The following ADGRB3 variants were observed in gnomAD, a reference collection of about 807,000 sequenced individuals.
ADGRB3 encodes adhesion G protein-coupled receptor B3.
Under a neutral mutation model 193.4 loss-of-function variants are expected in ADGRB3, and 37 were observed. That is an observed-to-expected ratio of 0.19 (90% confidence interval 0.15 to 0.25). The LOEUF (loss-of-function observed/expected upper bound fraction) is 0.25. ADGRB3 is among the 10% of genes least tolerant of loss of function. ADGRB3 has a pLI of 1.00. For missense variants in ADGRB3, 1,637 were observed against 1,852.9 expected, an observed-to-expected ratio of 0.88 and a Z score of 2.14; for synonymous variants, 690 against 644.2, an observed-to-expected ratio of 1.07 and a Z score of -1.08.
chr6:68,683,991 G>T (rs985783197), intron 3 of ADGRB3, among the ~76,000 whole-genome samples: 4 of 151,952 alleles, frequency 2.6e-5, no homozygotes, highest in Non-Finnish European at 5.9e-5. Flanking sequence ...CATGACTTCT[G>T]TCATTTAGAA....
intron 20 of ADGRB3, among the ~76,000 whole-genome samples, chr6:69,324,629 G>C (rs371376581): frequency 6.6e-6 from 1 of 151,738 alleles, no homozygotes; most frequent in East Asian, 1.9e-4. Flanking sequence ...TTACATTCAG[G>C]GTTCTTCTCA....
intron 29 of ADGRB3, among the ~76,000 whole-genome samples, chr6:69,365,844 G>T (rs1769556666): frequency 6.6e-6 from 1 of 152,136 alleles, no homozygotes; most frequent in South Asian, 2.1e-4. Context: ...TCACATTACA[G>T]GTGCCTCCCT....
At chr6:68,839,914 T>A (rs934363408) in intron 3 of ADGRB3, among the ~76,000 whole-genome samples, 2 of 151,910 alleles carry the variant, frequency 1.3e-5, no homozygotes, top group African/African-American at 4.8e-5. Flanking sequence ...GAGAGCACAG[T>A]GATTGTGGGA....
chr6:68,661,685 C>T (rs954506525), intron 3 of ADGRB3, among the ~76,000 whole-genome samples: 2 of 149,816 alleles, frequency 1.3e-5, no homozygotes, highest in East Asian at 2.0e-4. Context: ...ACAGGCTAGG[C>T]GCTTTTGATT....
At chr6:68,815,638 T>TGTGTGTGGGTGG (rs146536913) in intron 3 of ADGRB3, among the ~76,000 whole-genome samples, 11,453 of 149,432 alleles carry the variant, frequency 0.077, 1,244 homozygotes, top group East Asian at 0.53. Flanking sequence ...TGTGTGTGTG[T>TGTGTGTGGGTGG]GTGCATGTAG....
chr6:68,914,304 T>A (rs1203104127), intron 3 of ADGRB3, among the ~76,000 whole-genome samples: 3 of 152,000 alleles, frequency 2.0e-5, no homozygotes, highest in African/African-American at 7.3e-5. Flanking sequence ...AAAGGTCGGG[T>A]TACCCACAAA....
intron 19 of ADGRB3, among the ~76,000 whole-genome samples, chr6:69,237,074 G>A (rs1350927525): frequency 6.6e-6 from 1 of 151,930 alleles, no homozygotes; most frequent in Non-Finnish European, 1.5e-5. Flanking sequence ...CAGTTTATAA[G>A]CGCCTACAGA....
chr6:69,037,262 T>C (rs1328548676), intron 13 of ADGRB3, among the ~76,000 whole-genome samples: 1 of 152,170 alleles, frequency 6.6e-6, no homozygotes, highest in Non-Finnish European at 1.5e-5. Flanking sequence ...GGATTCTAAT[T>C]AGTAAACGTT....
chr6:68,794,015 G>A (rs762144659), intron 3 of ADGRB3, among the ~76,000 whole-genome samples: 4 of 152,132 alleles, frequency 2.6e-5, no homozygotes, highest in Non-Finnish European at 5.9e-5. Context: ...CAAGATGCAT[G>A]TAAAGCTGTC....
intron 3 of ADGRB3, among the ~76,000 whole-genome samples, chr6:68,710,333 C>T (rs1765389159): frequency 2.0e-5 from 3 of 152,098 alleles, no homozygotes; most frequent in Admixed American, 2.0e-4. Flanking sequence ...CCCTCCGGCT[C>T]ACCAGGCTCC....
chr6:69,108,689 T>C (rs181231142), intron 17 of ADGRB3, among the ~76,000 whole-genome samples: 45 of 152,158 alleles, frequency 3.0e-4, no homozygotes, highest in Non-Finnish European at 5.9e-5. Flanking sequence ...TTTTAGTAAG[T>C]AAAATCAGGT....
At chr6:69,342,384 AT>A (rs975074759) in intron 26 of ADGRB3, among the ~76,000 whole-genome samples, 4 of 152,060 alleles carry the variant, frequency 2.6e-5, no homozygotes, top group Admixed American at 6.6e-5. Context: ...ACCCTATAAC[AT>A]TACTGTAAAT....
At chr6:69,054,212 ACAAATTT>A (rs1771480900) in intron 15 of ADGRB3, among the ~76,000 whole-genome samples, 1 of 152,182 alleles carries the variant, frequency 6.6e-6, no homozygotes, top group South Asian at 2.1e-4. Context: ...AAAGAAAGGA[ACAAATTT>A]CAATAATGCA....
intron 15 of ADGRB3, among the ~76,000 whole-genome samples, chr6:69,061,219 A>G (rs1262794565): frequency 2.0e-5 from 3 of 152,096 alleles, no homozygotes; most frequent in African/African-American, 7.2e-5. Context: ...GTCATTTGAC[A>G]TTACTGCATA....
At chr6:68,831,259 CACTT>C (rs1767946283) in intron 3 of ADGRB3, among the ~76,000 whole-genome samples, 1 of 145,468 alleles carries the variant, frequency 6.9e-6, no homozygotes, top group Non-Finnish European at 1.5e-5. Flanking sequence ...CAAGGCTACT[CACTT>C]AGGCGGCGGG....
At chr6:69,102,244 T>C (rs550226218) in intron 17 of ADGRB3, among the ~76,000 whole-genome samples, 8 of 152,196 alleles carry the variant, frequency 5.3e-5, no homozygotes, top group Non-Finnish European at 1.0e-4. Context: ...ATAGTCACTT[T>C]GAAACCTTTG....
At chr6:68,705,461 CT>C (rs1765309115) in intron 3 of ADGRB3, among the ~76,000 whole-genome samples, 1 of 152,144 alleles carries the variant, frequency 6.6e-6, no homozygotes, top group South Asian at 2.1e-4. Context: ...GGATCTCCTC[CT>C]TTCCTTTTTA....
chr6:69,127,341 G>A (rs752882128), intron 17 of ADGRB3, among the ~76,000 whole-genome samples: 1 of 152,056 alleles, frequency 6.6e-6, no homozygotes, highest in Non-Finnish European at 1.5e-5. Context: ...TATATTTTAG[G>A]CAATCAATAA....
chr6:69,043,290 G>GAGAAAGAAAGAAAGAAAAAGAA (rs1554252054), intron 13 of ADGRB3, among the ~76,000 whole-genome samples: 2 of 88,032 alleles, frequency 2.3e-5, no homozygotes, highest in South Asian at 3.7e-4. Flanking sequence ...GGAAGAAAGA[G>GAGAAAGAAAGAAAGAAAAAGAA]AGAAAGAAAG....
Sources: gnomAD v4.1 joint callset for allele counts (sites outside exome capture counted in the v4.1 genomes callset) on GRCh38, gnomAD v4.1.1 for gene constraint, MANE v1.5 for transcripts, NCBI Gene and HGNC (gene_info 2026-07-23, HGNC 2026-07-21) for gene names.